MED30: variants seen among roughly 807,000 people sequenced by gnomAD.
MED30 encodes mediator complex subunit 30, also known as mediator of RNA polymerase II transcription subunit 30.
In MED30, 8 loss-of-function variants were observed where a neutral mutation model predicts 21.7. The ratio of observed to expected loss-of-function variants is 0.37; its 90% CI spans 0.22 to 0.67. The LOEUF (loss-of-function observed/expected upper bound fraction) is 0.67. MED30 is among the 30% of genes least tolerant of loss of function. The pLI is 0.58. For synonymous variants in MED30, 79 were observed against 86.7 expected (o/e 0.91, Z 0.49); for missense variants, 203 against 228.2 (o/e 0.89, Z 0.71).
intron 3 of MED30, among the ~76,000 whole-genome samples, chr8:117,537,186 T>G (rs1176781624): frequency 6.6e-6 from 1 of 152,256 alleles, no homozygotes; most frequent in Non-Finnish European, 1.5e-5. Context: ...GTGTCACAGC[T>G]TTTGTGTGAA....
At position 117,523,386 on chromosome 8, in the gene MED30, A is replaced by G. The variant is rs182158044; in HGVS notation, c.177+2333A>G. 1.6e-4 allele frequency: 242 copies of G among 1,550,064 alleles called. 3 individuals are homozygous for G. In the East Asian group the frequency reaches 5.1e-3, roughly 33 times the overall value. On this transcript the variant is annotated intron_variant, in intron 1 of 3. Transcript: ENST00000297347. Reference sequence around the variant, plus strand: ...GGGGCACAGCACTCCGTCTGTAGGTATCTCTGTCGGCTTCCCCTCTTGTGA... The same window carrying G: ...GGGGCACAGCACTCCGTCTGTAGGTGTCTCTGTCGGCTTCCCCTCTTGTGA...
At chr8:117,523,056 T>C (rs774650491) in intron 1 of MED30, among the ~76,000 whole-genome samples, 2 of 152,196 alleles carry the variant, frequency 1.3e-5, no homozygotes, top group African/African-American at 4.8e-5. Flanking sequence ...CCTACTAACC[T>C]CTTTTTAATA....
intron 3 of MED30, among the ~76,000 whole-genome samples, chr8:117,537,425 G>C (rs1818897677): frequency 6.6e-6 from 1 of 152,040 alleles, no homozygotes; most frequent in Non-Finnish European, 1.5e-5. Flanking sequence ...TGTCAGCTTT[G>C]CTGTTGATCA....
intron 2 of MED30, among the ~76,000 whole-genome samples, chr8:117,530,142 A>C (rs933482576): frequency 6.6e-6 from 1 of 151,988 alleles, no homozygotes; most frequent in Non-Finnish European, 1.5e-5. Flanking sequence ...TTGCTATATA[A>C]ATTTGTTTCT....
chr8:117,537,220 A>G (rs765232669), intron 3 of MED30, among the ~76,000 whole-genome samples: 1 of 152,260 alleles, frequency 6.6e-6, no homozygotes, highest in Non-Finnish European at 1.5e-5. Flanking sequence ...GGTATCAGTT[A>G]GCATCAACTT....
At chr8:117,531,728 C>G (rs549552444) in intron 3 of MED30, among the ~76,000 whole-genome samples, 1 of 151,210 alleles carries the variant, frequency 6.6e-6, no homozygotes, top group Non-Finnish European at 1.5e-5. Flanking sequence ...TAGATAAATA[C>G]CCAACATTTT....
chr8:117,523,913 A>AG, intron 1 of MED30: 1 of 346,728 alleles, frequency 2.9e-6, no homozygotes, highest in Admixed American at 3.9e-5. Flanking sequence ...AGGCTGGGGC[A>AG]GGAGAATCGC....
At position 117,524,338 on chromosome 8, in the gene MED30, G is replaced by A. The variant is rs1167345915; in HGVS notation, c.177+3285G>A. Among the ~76,000 whole-genome samples, 4 of 152,114 alleles carry A rather than the reference G, an allele frequency of 2.6e-5. No individual in the cohort carries two copies. In the East Asian group the frequency reaches 7.7e-4, roughly 29 times the overall value. The stretch of plus-strand genomic sequence containing the variant: ...AATCGTCTGTATTATTGATCTACGA[G>A]AGTAAAGTGCTGTGAATACAAACTG... On this transcript the variant is annotated intron_variant, in intron 1 of 3. Coordinates refer to ENST00000297347, the MANE Select transcript of MED30 (RefSeq NM_080651.4).
chr8:117,523,251 T>G (rs1818658624), intron 1 of MED30: 4 of 1,046,742 alleles, frequency 3.8e-6, no homozygotes, highest in South Asian at 2.5e-5. Context: ...TGCAAAATAA[T>G]CCTCTCCAAT....
chr8:117,536,912 A>G (rs902978246), intron 3 of MED30, among the ~76,000 whole-genome samples: 4 of 152,204 alleles, frequency 2.6e-5, no homozygotes, highest in Admixed American at 1.3e-4. Context: ...TGAGAAGCCA[A>G]AATATAAAAA....
intron 1 of MED30, among the ~76,000 whole-genome samples, chr8:117,525,685 A>G (rs986322248): frequency 2.6e-5 from 4 of 152,100 alleles, no homozygotes; most frequent in Admixed American, 2.6e-4. Flanking sequence ...TAACTTTTTC[A>G]AAAGGTTCAC....
chr8:117,530,602 G>A lies in MED30; in HGVS notation c.337-121G>A, dbSNP rs116664299. The A allele has an allele frequency of 4.3e-3, 2,783 of 645,142 alleles. 29 individuals carry two copies. The highest frequency in any genetic ancestry group is 0.034 in the African/African-American group (1,822 of 53,740). The allele number at this position is 645,142 out of a possible 1,614,324, so 40.0% of individuals were successfully genotyped here. A position where few individuals can be genotyped will look rare whatever the true frequency, so the allele number is the denominator to read the frequency against. On this transcript the variant is annotated intron_variant, in intron 2 of 3. Transcript: ENST00000297347. ...CTTATTTCAGGCCATCACCTGAATT[G>A]AAATTATTTTTATACAAATAAAAGT...
intron 3 of MED30, 115 bp downstream of exon 3, chr8:117,530,942 G>T: frequency 1.4e-6 from 1 of 736,016 alleles, no homozygotes. Flanking sequence ...AGTTGTTTCT[G>T]CGGCAAACTT....
At chr8:117,532,017 C>A (rs1028769972) in intron 3 of MED30, among the ~76,000 whole-genome samples, 1 of 151,890 alleles carries the variant, frequency 6.6e-6, no homozygotes. Flanking sequence ...TTATAAGATT[C>A]TATTGACTCT....
At chr8:117,523,975 C>T in intron 1 of MED30, 1 of 252,512 alleles carries the variant, frequency 4.0e-6, no homozygotes, top group Non-Finnish European at 7.8e-6. Flanking sequence ...CGCCACTGCA[C>T]TCCAGGCTGG....
At chr8:117,532,581 C>T (rs1818805971) in intron 3 of MED30, among the ~76,000 whole-genome samples, 1 of 151,898 alleles carries the variant, frequency 6.6e-6, no homozygotes, top group African/African-American at 2.4e-5. Context: ...CTAGCTTTTA[C>T]ATTACACCAT....
At chr8:117,529,863 C>G (rs1366256578) in intron 2 of MED30, among the ~76,000 whole-genome samples, 1 of 151,784 alleles carries the variant, frequency 6.6e-6, no homozygotes, top group East Asian at 1.9e-4. Context: ...GGAGACTAAT[C>G]GTCTTCAGGA....
chr8:117,535,049 C>T (rs558638356), intron 3 of MED30, among the ~76,000 whole-genome samples: 122 of 151,914 alleles, frequency 8.0e-4, no homozygotes, highest in Non-Finnish European at 1.2e-3. Context: ...GGACTTTCTC[C>T]ATATGAGGAT....
Position 117,540,182 on chromosome 8 carries a change from G to T in MED30, c.*204G>T. On this transcript the variant is annotated 3_prime_UTR_variant, in exon 4 of 4. Transcript: ENST00000297347. The stretch of plus-strand genomic sequence containing the variant: ...AAAGATTATTGTAATAAACTTTGAT[G>T]GGGTTTGTATTTTGGTTAATCTTCA... 5.9e-6 allele frequency: 2 copies of T among 341,006 alleles called. No individual in the cohort carries two copies. Among genetic ancestry groups the T allele is most frequent in the South Asian group, 5.9e-5 (1 of 16,904 alleles). The allele number at this position is 341,006 out of a possible 1,614,324, so 21.1% of individuals were successfully genotyped here.
Sources: allele counts gnomAD v4.1 joint callset (sites outside exome capture counted in the v4.1 genomes callset), GRCh38; gene constraint gnomAD v4.1.1; transcripts MANE v1.5; gene names NCBI Gene and HGNC (gene_info 2026-07-23, HGNC 2026-07-21).